The following C7orf78 variants were observed in gnomAD, a reference collection of about 807,000 sequenced individuals.
C7orf78 encodes chromosome 7 open reading frame 78.
chr7:12,523,510 A>G, the C7orf78 span: 1 of 396,204 alleles, frequency 2.5e-6, no homozygotes, highest in African/African-American at 2.1e-5. Flanking sequence ...TTAATGAGAA[A>G]AACTATTACA....
chr7:12,508,636 G>T, the C7orf78 span, among the ~76,000 whole-genome samples: 1 of 152,074 alleles, frequency 6.6e-6, no homozygotes, highest in Non-Finnish European at 1.5e-5. Flanking sequence ...AAAATTTAAG[G>T]GTACGTTAAC....
At chr7:12,537,356 A>G in the C7orf78 span, among the ~76,000 whole-genome samples, 1 of 152,190 alleles carries the variant, frequency 6.6e-6, no homozygotes, top group Non-Finnish European at 1.5e-5. Flanking sequence ...ACAGCACAGG[A>G]AAAACCTGCC....
chr7:12,524,008 A>C, the C7orf78 span, among the ~76,000 whole-genome samples: 1,233 of 152,294 alleles, frequency 8.1e-3, 18 homozygotes, highest in African/African-American at 0.028. Flanking sequence ...TATAATTTAG[A>C]ACATAAATGT....
At chr7:12,506,588 C>A in the C7orf78 span, among the ~76,000 whole-genome samples, 1 of 151,900 alleles carries the variant, frequency 6.6e-6, no homozygotes, top group African/African-American at 2.4e-5. Flanking sequence ...GGGAGTTCAA[C>A]AATGAGAACA....
chr7:12,528,894 A>C, the C7orf78 span: 1 of 398,410 alleles, frequency 2.5e-6, no homozygotes, highest in East Asian at 3.6e-5. Flanking sequence ...TTGTCTTCCT[A>C]TCTCTAGTAC....
At chr7:12,518,377 A>G in the C7orf78 span, among the ~76,000 whole-genome samples, 1 of 152,250 alleles carries the variant, frequency 6.6e-6, no homozygotes, top group Non-Finnish European at 1.5e-5. Flanking sequence ...TGGTAATGGC[A>G]GTGGTGAGCC....
At chr7:12,525,242 G>C in the C7orf78 span, among the ~76,000 whole-genome samples, 9,285 of 152,008 alleles carry the variant, frequency 0.061, 340 homozygotes, top group African/African-American at 0.11. Flanking sequence ...TGTTTTATTT[G>C]ATCAGTTCTT....
At chr7:12,532,558 A>AG in the C7orf78 span, among the ~76,000 whole-genome samples, 1 of 150,680 alleles carries the variant, frequency 6.6e-6, no homozygotes, top group Non-Finnish European at 1.5e-5. Context: ...CAAAAAAAAA[A>AG]AAAAGAAAAA....
the C7orf78 span, among the ~76,000 whole-genome samples, chr7:12,518,592 C>T: frequency 6.6e-6 from 1 of 151,968 alleles, no homozygotes; most frequent in Non-Finnish European, 1.5e-5. Flanking sequence ...GTGAGTGGGC[C>T]CATCTTCAGG....
chr7:12,505,109 A>AC, the C7orf78 span, among the ~76,000 whole-genome samples: 7 of 152,060 alleles, frequency 4.6e-5, no homozygotes, highest in African/African-American at 1.4e-4. Context: ...ATTCAAAAGA[A>AC]TGTTTTTTGT....
the C7orf78 span, among the ~76,000 whole-genome samples, chr7:12,529,706 T>G: frequency 1.0e-3 from 152 of 152,322 alleles, 1 homozygote; most frequent in African/African-American, 3.5e-3. Context: ...TTCCAGGTCA[T>G]AAGTAGATTT....
chr7:12,512,051 A>T, the C7orf78 span, among the ~76,000 whole-genome samples: 9 of 150,340 alleles, frequency 6.0e-5, no homozygotes, highest in Non-Finnish European at 1.2e-4. Context: ...CTGGGATTAC[A>T]GGCGTGAGCC....
chr7:12,519,674 G>A, the C7orf78 span, among the ~76,000 whole-genome samples: 4 of 152,210 alleles, frequency 2.6e-5, no homozygotes, highest in African/African-American at 7.2e-5. Flanking sequence ...GGCTTCCTTT[G>A]TGCCCAGTGG....
chr7:12,488,423 TA>T, the C7orf78 span, among the ~76,000 whole-genome samples: 1 of 152,018 alleles, frequency 6.6e-6, no homozygotes, highest in Admixed American at 6.6e-5. Flanking sequence ...CAAATGCAAA[TA>T]CAAACTAACT....
the C7orf78 span, among the ~76,000 whole-genome samples, chr7:12,489,169 T>C: frequency 1.3e-5 from 2 of 152,036 alleles, no homozygotes; most frequent in African/African-American, 4.8e-5. Context: ...GCAAGGGACA[T>C]CTGTCATGAA....
chr7:12,532,689 C>G, the C7orf78 span, among the ~76,000 whole-genome samples: 1 of 152,184 alleles, frequency 6.6e-6, no homozygotes, highest in African/African-American at 2.4e-5. Context: ...GCACACGACA[C>G]TTAGTACTTG....
the C7orf78 span, among the ~76,000 whole-genome samples, chr7:12,526,756 C>T: frequency 6.6e-6 from 1 of 151,958 alleles, no homozygotes; most frequent in Non-Finnish European, 1.5e-5. Context: ...TGCCATCTAG[C>T]TGTGTAATTG....
At chr7:12,497,688 G>T in the C7orf78 span, among the ~76,000 whole-genome samples, 39,538 of 151,932 alleles carry the variant, frequency 0.26, 5,809 homozygotes, top group East Asian at 0.51. Flanking sequence ...GGCTTGATTA[G>T]GTAAACAAAG....
the C7orf78 span, among the ~76,000 whole-genome samples, chr7:12,533,512 CTT>C: frequency 3.6e-5 from 4 of 112,588 alleles, no homozygotes; most frequent in African/African-American, 6.8e-5. Context: ...CCAAAGGTTT[CTT>C]TTTTTTTTTT....
Sources: allele counts gnomAD v4.1 joint callset (sites outside exome capture counted in the v4.1 genomes callset), GRCh38; gene constraint gnomAD v4.1.1; transcripts MANE v1.5; gene names NCBI Gene and HGNC (gene_info 2026-07-23, HGNC 2026-07-21).